The following RIF1 variants were observed in gnomAD, a reference collection of about 807,000 sequenced individuals.
RIF1 encodes the protein telomere-associated protein RIF1.
Under a neutral mutation model 247.1 loss-of-function variants are expected in RIF1, and 45 were observed. The observed-to-expected ratio is 0.18, with a 90% CI of 0.14 to 0.23. RIF1 has a LOEUF of 0.23. Ranked by LOEUF, RIF1 falls within the 10% of genes least tolerant of loss-of-function variation. The pLI, the probability that RIF1 is intolerant of heterozygous loss-of-function variation, is 1.00. For missense variants in RIF1, 2,967 were observed against 2,862.5 expected (o/e 1.04, Z -0.83); for synonymous variants, 1,087 against 978.8 (o/e 1.11, Z -2.06).
chr2:151,527,505 G>T, the RIF1 span: 1 of 1,613,216 alleles, frequency 6.2e-7, no homozygotes, highest in African/African-American at 1.3e-5. Context: ...GGGATGACTT[G>T]GCAGCCTGGA....
rs35808744 is a variant in RIF1, at chr2:151,506,954, C to A, written c.*1027+579C>A. 4 of 1,611,502 alleles carry A rather than the reference C, an allele frequency of 2.5e-6. No homozygotes were observed. The highest frequency in any genetic ancestry group is 3.4e-6 in the Non-Finnish European group (4 of 1,178,460). ...TTTCTTTTACACGCAGTATTTCTGG[C>A]GTGTCTTGAACAACTGTAATTTTTC... On this transcript the variant is annotated intron_variant and NMD_transcript_variant, in intron 13 of 13. Transcript: ENST00000454583.
chr2:151,446,288 T>G lies in RIF1; in HGVS notation c.2095-138T>G, dbSNP rs536020715. ...TGCTGGGGTTACAGGCGTGAGCCAC[T>G]GCACCCGGCCGTTAGTGTCTTTTTT... On this transcript the variant is annotated intron_variant, in intron 19 of 35. Coordinates refer to ENST00000444746, the MANE Select transcript of RIF1 (RefSeq NM_018151.5). 20 of 810,314 alleles carry G rather than the reference T, an allele frequency of 2.5e-5. No homozygotes were observed. In the African/African-American group the frequency reaches 2.8e-4, roughly 11 times the overall value. 50.2% of individuals were successfully genotyped at this position (810,314 alleles called of 1,614,324 possible).
chr2:151,516,716 A>AT, the RIF1 span, among the ~76,000 whole-genome samples: 1 of 152,160 alleles, frequency 6.6e-6, no homozygotes, highest in Non-Finnish European at 1.5e-5. Flanking sequence ...GATCCAGTAC[A>AT]TTTTTGTTGT....
At chr2:151,450,550 G>T (rs1694119765) in intron 20 of RIF1, among the ~76,000 whole-genome samples, 1 of 151,192 alleles carries the variant, frequency 6.6e-6, no homozygotes, top group African/African-American at 2.4e-5. Flanking sequence ...GAAAATTTGT[G>T]TCAAATGTGT....
At chr2:151,501,104 G>GTGTT (rs989889777) in intron 11 of RIF1, among the ~76,000 whole-genome samples, 13 of 152,180 alleles carry the variant, frequency 8.5e-5, no homozygotes, top group South Asian at 4.1e-4. Context: ...AAGAGCTTTA[G>GTGTT]TGTTTGGTTT....
chr2:151,455,311 T>C (rs1322274425), intron 22 of RIF1, 152 bp downstream of exon 22: 2 of 577,316 alleles, frequency 3.5e-6, no homozygotes, highest in East Asian at 6.1e-5. Flanking sequence ...AAAAGATAGT[T>C]AAAATAGTAT....
rs1574125777 is a variant in RIF1 at position 151,462,967 on chromosome 2, C to A, written c.3447C>A (p.Ser1149=). 3 of 1,613,986 alleles carry A rather than the reference C, an allele frequency of 1.9e-6. No individual in the cohort carries two copies. Among genetic ancestry groups the A allele is most frequent in the African/African-American group, 1.3e-5 (1 of 75,042 alleles). Residue 1149 remains serine, a synonymous_variant, in exon 30 of 36, where the codon TCC becomes TCA. Coordinates refer to ENST00000444746, the MANE Select transcript of RIF1 (RefSeq NM_018151.5). Reference sequence around the variant, plus strand: ...TGGCTGAACATCTTGAAAAGTCCTCCCTTTCGAATAATGAGTGTGGTTCTC... The same window carrying A: ...TGGCTGAACATCTTGAAAAGTCCTCACTTTCGAATAATGAGTGTGGTTCTC... ...CGMAEHLEKS[S]LSNNECGSLD...
intron 21 of RIF1, among the ~76,000 whole-genome samples, chr2:151,453,075 A>C (rs192389998): frequency 1.3e-5 from 2 of 152,340 alleles, no homozygotes; most frequent in Admixed American, 1.3e-4. Context: ...TCAAATTTAG[A>C]GAAATACTGC....
downstream of RIF1, chr2:151,512,835 A>G (rs1434802631): frequency 6.2e-7 from 1 of 1,604,036 alleles, no homozygotes; most frequent in Non-Finnish European, 8.5e-7. Flanking sequence ...GCTTATACTT[A>G]ATCTGTAAAA....
chr2:151,492,590 A>G (rs2057440862), intron 9 of RIF1: 1 of 875,296 alleles, frequency 1.1e-6, no homozygotes, highest in Non-Finnish European at 1.7e-6. Flanking sequence ...CTGGTGAGGG[A>G]CGCTTGGGTC....
chr2:151,465,387 C>A lies in RIF1; in HGVS notation c.5867C>A (p.Thr1956Lys). ...AGAAATGATGACTCTGAAGCAGACA[C>A]AGCTAAACTGAATGCCAAAGAAGTA... ...NKRNDDSEADTAKLNAKEVAT... is the reference protein window; with the variant it reads ...NKRNDDSEADKAKLNAKEVAT... The change falls in exon 30 of 36, where the codon ACA becomes AAA. Residue 1956 changes from threonine (T) to lysine (K), a missense_variant. Coordinates refer to ENST00000444746, the MANE Select transcript of RIF1 (RefSeq NM_018151.5). The A allele has an allele frequency of 6.2e-7, 1 of 1,613,724 alleles. No individual in the cohort carries two copies. Among genetic ancestry groups the A allele is most frequent in the Admixed American group, 1.7e-5 (1 of 59,976 alleles).
At position 151,437,488 on chromosome 2, in the gene RIF1, C is replaced by T. The variant is rs575291269; in HGVS notation, c.1483+137C>T. On this transcript the variant is annotated intron_variant, in intron 13 of 35. Transcript: ENST00000444746. Reference sequence around the variant, plus strand: ...AGTGGATCACTTGAGCTCAGGAGTTCGAGACCAGCCTGGGCAACATGACAA... The same window carrying T: ...AGTGGATCACTTGAGCTCAGGAGTTTGAGACCAGCCTGGGCAACATGACAA... 78 of 635,042 alleles carry T rather than the reference C, an allele frequency of 1.2e-4. 1 individual carries two copies. In the South Asian group the frequency reaches 1.4e-3, roughly 12 times the overall value. 39.3% of individuals were successfully genotyped at this position (635,042 alleles called of 1,614,324 possible). A position where few individuals can be genotyped will look rare whatever the true frequency, so the allele number is the denominator to read the frequency against.
chr2:151,533,605 G>C, the RIF1 span: 1 of 1,087,548 alleles, frequency 9.2e-7, no homozygotes, highest in Non-Finnish European at 1.4e-6. Flanking sequence ...AAAAGAACAC[G>C]GCTCTATATC....
At position 151,443,720 on chromosome 2, in the gene RIF1, A is replaced by C; in HGVS notation, c.1986+11A>C. On this transcript the variant is annotated intron_variant, in intron 18 of 35. Coordinates refer to ENST00000444746, the MANE Select transcript of RIF1 (RefSeq NM_018151.5). ...GAATTGATTAATCAGGTATGAAATA[A>C]ATCTGCTACGTATTTTGGATAATAG... 6.7e-7 allele frequency: 1 copy of C among 1,486,558 alleles called. No homozygotes were observed. The allele number at this position is 1,486,558 out of a possible 1,614,324, so 92.1% of individuals were successfully genotyped here. A position where few individuals can be genotyped will look rare whatever the true frequency, so the allele number is the denominator to read the frequency against.
At chr2:151,419,989 G>A (rs1044827792) in intron 6 of RIF1, among the ~76,000 whole-genome samples, 1 of 152,064 alleles carries the variant, frequency 6.6e-6, no homozygotes, top group African/African-American at 2.4e-5. Context: ...AGACAAGATT[G>A]GTTCTTTAAA....
intron 16 of RIF1, among the ~76,000 whole-genome samples, chr2:151,442,991 T>A (rs1692626932): frequency 6.6e-6 from 1 of 151,922 alleles, no homozygotes; most frequent in Admixed American, 6.6e-5. Context: ...TTAGCCAGGA[T>A]GGTCTCGATC....
At chr2:151,467,311 G>A (rs1368342838) in intron 30 of RIF1, among the ~76,000 whole-genome samples, 1 of 151,078 alleles carries the variant, frequency 6.6e-6, no homozygotes, top group Non-Finnish European at 1.5e-5. Flanking sequence ...AAATTCTTCT[G>A]CTGAGAATCT....
intron 34 of RIF1, among the ~76,000 whole-genome samples, chr2:151,472,036 T>C (rs1329472062): frequency 1.3e-5 from 2 of 152,130 alleles, no homozygotes; most frequent in Admixed American, 1.3e-4. Context: ...TGTGTCCTCT[T>C]TTATTTCATT....
downstream of RIF1, chr2:151,485,963 T>C (rs778467089): frequency 2.2e-5 from 35 of 1,608,500 alleles, no homozygotes; most frequent in Admixed American, 3.2e-4. Flanking sequence ...AGGGGAAATA[T>C]TATATGTTGG....
Sources: gnomAD v4.1 joint callset for allele counts (sites outside exome capture counted in the v4.1 genomes callset) on GRCh38, gnomAD v4.1.1 for gene constraint, MANE v1.5 for transcripts, NCBI Gene and HGNC (gene_info 2026-07-23, HGNC 2026-07-21) for gene names.